SGF29: variants seen among roughly 807,000 people sequenced by gnomAD.
SGF29 encodes the protein SAGA-associated factor 29.
In SGF29, 15 loss-of-function variants were observed where a neutral mutation model predicts 38.1. The ratio of observed to expected loss-of-function variants is 0.39; its 90% CI spans 0.26 to 0.61. SGF29 has a LOEUF of 0.61. Ranked by LOEUF, SGF29 falls within the 20% of genes least tolerant of loss-of-function variation. The pLI is 0.49. For synonymous variants in SGF29, 151 were observed against 160.8 expected (o/e 0.94, Z 0.46); for missense variants, 184 against 394.6 (o/e 0.47, Z 4.52).
At chr16:28,589,769 A>G (rs1454957144) in intron 5 of SGF29, among the ~76,000 whole-genome samples, 2 of 152,320 alleles carry the variant, frequency 1.3e-5, no homozygotes, top group South Asian at 2.1e-4. Flanking sequence ...GCAGAGTTCA[A>G]TGAAATAGTC....
intron 1 of SGF29, among the ~76,000 whole-genome samples, chr16:28,559,747 C>T (rs149324440): frequency 6.6e-6 from 1 of 152,304 alleles, no homozygotes; most frequent in African/African-American, 2.4e-5. Context: ...TTCCAAGCAA[C>T]TTAGCCAAGT....
intron 1 of SGF29, among the ~76,000 whole-genome samples, chr16:28,561,343 G>A (rs2046788599): frequency 6.6e-6 from 1 of 152,116 alleles, no homozygotes; most frequent in South Asian, 2.1e-4. Flanking sequence ...GACCAGCCTG[G>A]CCAACATGGT....
At chr16:28,558,145 C>T (rs1296791546) in intron 1 of SGF29, among the ~76,000 whole-genome samples, 3 of 145,584 alleles carry the variant, frequency 2.1e-5, no homozygotes, top group African/African-American at 5.1e-5. Context: ...CTCGCTGTGT[C>T]GCCAGGCTGG....
At chr16:28,569,523 G>A (rs960728213) in intron 1 of SGF29, among the ~76,000 whole-genome samples, 4 of 152,182 alleles carry the variant, frequency 2.6e-5, no homozygotes, top group African/African-American at 9.6e-5. Context: ...ATGGTGGCAT[G>A]TGCCTGTGGT....
At chr16:28,583,389 C>A (rs573053150) in intron 2 of SGF29, among the ~76,000 whole-genome samples, 2 of 152,302 alleles carry the variant, frequency 1.3e-5, no homozygotes, top group Non-Finnish European at 2.9e-5. Context: ...AGTATCCCCC[C>A]CCAACCCCAA....
chr16:28,570,008 T>C (rs1390400586), intron 1 of SGF29, among the ~76,000 whole-genome samples: 1 of 152,180 alleles, frequency 6.6e-6, no homozygotes, highest in Non-Finnish European at 1.5e-5. Flanking sequence ...TGAAGAGCCT[T>C]GGGCCCAGGC....
At chr16:28,576,442 T>C (rs1401022874) in intron 1 of SGF29, among the ~76,000 whole-genome samples, 1 of 152,178 alleles carries the variant, frequency 6.6e-6, no homozygotes, top group African/African-American at 2.4e-5. Flanking sequence ...GGCTCACACC[T>C]GTAATCCCAG....
In SGF29 at chr16:28,590,757, G is replaced by A. The variant is rs1390221301; in HGVS notation, c.603-16G>A. On this transcript the variant is annotated splice_polypyrimidine_tract_variant and intron_variant, in intron 8 of 9. Transcript: ENST00000317058. This position sits in a 1 kb window ranked among gnomAD's most constrained non-coding sequence, Gnocchi z 8.2. ...CCCACCCGGCCACAGGTTGATATAAGCCCCTCTTCCCCCAGGAGACACACC... is the reference window on the plus strand; with the variant it reads ...CCCACCCGGCCACAGGTTGATATAAACCCCTCTTCCCCCAGGAGACACACC... 6.2e-7 allele frequency: 1 copy of A among 1,614,038 alleles called. No individual in the cohort carries two copies. The highest frequency in any genetic ancestry group is 1.1e-5 in the South Asian group (1 of 91,084).
chr16:28,589,158 C>T lies in SGF29; in HGVS notation c.283C>T (p.Arg95Trp). Residue 95 changes from arginine (R) to tryptophan (W), a missense_variant, in exon 5 of 10, where the codon CGG (arginine) becomes TGG (tryptophan). By Grantham distance (101) the Arg-to-Trp change is moderately radical. Coordinates refer to ENST00000317058, the MANE Select transcript of SGF29 (RefSeq NM_138414.3). ...AATCAAGTCTCTGTTGGAAGAGAGG[C>T]GGATTGGTGAGTGGGAGAGAACATG... ...AEIKSLLEER[R>W]IAAKIAGLYN... is the part of the protein sequence containing the mutation. 6.2e-7 allele frequency: 1 copy of T among 1,614,100 alleles called. No individual in the cohort carries two copies. The highest frequency in any genetic ancestry group is 1.1e-5 in the South Asian group (1 of 91,092).
chr16:28,578,876 A>G (rs1596604251), intron 1 of SGF29, among the ~76,000 whole-genome samples: 2 of 152,096 alleles, frequency 1.3e-5, no homozygotes, highest in African/African-American at 4.8e-5. Context: ...CAGGATGCCG[A>G]GGTTGCAGTG....
chr16:28,591,053 CAG>C, intron 9 of SGF29, 118 bp downstream of exon 9: 1 of 1,252,932 alleles, frequency 8.0e-7, no homozygotes, highest in Non-Finnish European at 1.1e-6. Context: ...TCCAAGCTGA[CAG>C]GACCCACCAG....
chr16:28,554,383 A>G (rs929523500), intron 1 of SGF29, among the ~76,000 whole-genome samples: 3 of 152,094 alleles, frequency 2.0e-5, no homozygotes, highest in Non-Finnish European at 4.4e-5. Flanking sequence ...TGGGCTCGGC[A>G]CGGACGCAGC....
At position 28,564,770 on chromosome 16, in the gene SGF29, TATGTATATATATATATACAC is replaced by T. The variant is rs2046825587; in HGVS notation, c.-16+10675_-16+10694del. ...GTATATATATGTATATATGTATATA[TATGTATATATATATATACAC>T]ACACACACACACACACAAACACACA... is the stretch of plus-strand genomic sequence containing the variant. On this transcript the variant is annotated intron_variant, in intron 1 of 9. Coordinates refer to ENST00000317058, the MANE Select transcript of SGF29 (RefSeq NM_138414.3). Among the ~76,000 whole-genome samples the T allele has an allele frequency of 1.6e-3, 66 of 40,050 alleles. 1 individual carries two copies. Among genetic ancestry groups the T allele is most frequent in the Middle Eastern group, 0.018 (1 of 56 alleles). The allele number at this position is 40,050 out of a possible 152,430, so 26.3% of individuals were successfully genotyped here.
At chr16:28,556,314 C>T (rs1361305943) in intron 1 of SGF29, among the ~76,000 whole-genome samples, 1 of 151,760 alleles carries the variant, frequency 6.6e-6, no homozygotes, top group Non-Finnish European at 1.5e-5. Flanking sequence ...GGATTACAAG[C>T]ATGCACCACC....
intron 2 of SGF29, among the ~76,000 whole-genome samples, chr16:28,584,132 A>G (rs925637143): frequency 6.6e-6 from 1 of 151,650 alleles, no homozygotes; most frequent in Non-Finnish European, 1.5e-5. Context: ...CTAGGACTAT[A>G]CGCACATGCT....
chr16:28,579,260 T>TC (rs1257160709), intron 1 of SGF29, among the ~76,000 whole-genome samples: 1 of 147,350 alleles, frequency 6.8e-6, no homozygotes, highest in Admixed American at 6.7e-5. Flanking sequence ...TAATTATCTT[T>TC]TTTTTTTTTT....
intron 4 of SGF29, among the ~76,000 whole-genome samples, chr16:28,587,809 A>AT (rs1449394141): frequency 1.3e-5 from 2 of 151,776 alleles, no homozygotes; most frequent in Admixed American, 6.6e-5. Context: ...GGAAATACGT[A>AT]TTTTTTTTGA....
chr16:28,585,813 TC>T, intron 4 of SGF29, 93 bp downstream of exon 4: 1 of 1,207,780 alleles, frequency 8.3e-7, no homozygotes, highest in Non-Finnish European at 1.2e-6. Context: ...CCTGCCTTCC[TC>T]CCATGGATAA....
At chr16:28,563,136 G>GA (rs2046799706) in intron 1 of SGF29, among the ~76,000 whole-genome samples, 1 of 152,046 alleles carries the variant, frequency 6.6e-6, no homozygotes, top group African/African-American at 2.4e-5. Flanking sequence ...TTAATTAGGG[G>GA]AAAAAGGGAG....
Sources: allele counts gnomAD v4.1 joint callset (sites outside exome capture counted in the v4.1 genomes callset), GRCh38; gene constraint gnomAD v4.1.1; non-coding constraint Gnocchi (gnomAD v3.1); transcripts MANE v1.5; gene names NCBI Gene and HGNC (gene_info 2026-07-23, HGNC 2026-07-21).